Variants in GALNT13 observed in about 807,000 individuals in gnomAD.
GALNT13 encodes the protein polypeptide N-acetylgalactosaminyltransferase 13.
Under a neutral mutation model 64.2 loss-of-function variants are expected in GALNT13, and 28 were observed. The observed-to-expected ratio is 0.44, with a 90% CI of 0.32 to 0.60. The LOEUF (loss-of-function observed/expected upper bound fraction) is 0.60, where lower values mean the gene tolerates loss of function less well. Ranked by LOEUF, GALNT13 falls within the 20% of genes least tolerant of loss-of-function variation. The probability of loss-of-function intolerance (pLI) is 0.05; values close to 1 mark genes in which losing one functional copy is unlikely to be tolerated. For synonymous variants in GALNT13, 214 were observed against 224.6 expected (o/e 0.95, Z 0.42); for missense variants, 577 against 669.8 (o/e 0.86, Z 1.53).
At chr2:153,587,705 C>T in the GALNT13 span, among the ~76,000 whole-genome samples, 1 of 152,180 alleles carries the variant, frequency 6.6e-6, no homozygotes, top group Non-Finnish European at 1.5e-5. Context: ...CAAACCATAT[C>T]ATTCCACTGC....
chr2:154,397,060 A>G (rs1391580124), intron 10 of GALNT13, among the ~76,000 whole-genome samples: 1 of 151,922 alleles, frequency 6.6e-6, no homozygotes, highest in Non-Finnish European at 1.5e-5. Context: ...TTCCTTTATG[A>G]ATTATATCCT....
chr2:154,367,022 C>T lies in GALNT13; in HGVS notation c.1157-28969C>T, dbSNP rs116064781. ...TGGACACTGTGAAATGAATGGGTTT[C>T]ATTGTTGCTACTTTTTATGTTCATT... is the stretch of plus-strand genomic sequence containing the variant. On this transcript the variant is annotated intron_variant, in intron 9 of 12. Transcript: ENST00000392825. 4.9e-3 allele frequency among the ~76,000 whole-genome samples: 743 copies of T among 152,184 alleles called. 4 individuals carry two copies. Among genetic ancestry groups the T allele is most frequent in the African/African-American group, 0.017 (701 of 41,524 alleles).
chr2:153,656,353 T>G, the GALNT13 span, among the ~76,000 whole-genome samples: 4 of 140,636 alleles, frequency 2.8e-5, no homozygotes, highest in Non-Finnish European at 6.3e-5. Context: ...CGCGCACATA[T>G]GTGTGTGTGC....
chr2:153,601,052 GA>G, the GALNT13 span, among the ~76,000 whole-genome samples: 1 of 151,760 alleles, frequency 6.6e-6, no homozygotes, highest in African/African-American at 2.4e-5. Flanking sequence ...TTCCAGGAAA[GA>G]AATTCAAGAC....
the GALNT13 span, among the ~76,000 whole-genome samples, chr2:153,612,293 A>G: frequency 6.6e-6 from 1 of 152,260 alleles, no homozygotes; most frequent in South Asian, 2.1e-4. Flanking sequence ...TTCCTCAAGG[A>G]TCTAGAACCA....
intron 2 of GALNT13, among the ~76,000 whole-genome samples, chr2:153,936,460 C>T (rs1029396451): frequency 6.6e-6 from 1 of 152,074 alleles, no homozygotes; most frequent in Non-Finnish European, 1.5e-5. Context: ...AAATATGACC[C>T]AGTTTAGTTT....
intron 3 of GALNT13, among the ~76,000 whole-genome samples, chr2:154,072,785 A>G (rs568171520): frequency 1.3e-4 from 20 of 152,182 alleles, no homozygotes; most frequent in African/African-American, 4.1e-4. Flanking sequence ...CAAGTTTGCT[A>G]TTGGAAAATA....
the GALNT13 span, among the ~76,000 whole-genome samples, chr2:153,480,837 G>T: frequency 1.3e-5 from 2 of 152,270 alleles, no homozygotes; most frequent in East Asian, 1.9e-4. Flanking sequence ...CAAATGGAGA[G>T]CCCCTTCTTT....
intron 11 of GALNT13, among the ~76,000 whole-genome samples, chr2:154,430,893 AT>A (rs1700680617): frequency 6.6e-6 from 1 of 152,148 alleles, no homozygotes; most frequent in Non-Finnish European, 1.5e-5. Context: ...AATTGTTAGC[AT>A]TTTTAACGAT....
At chr2:153,693,734 C>T in the GALNT13 span, among the ~76,000 whole-genome samples, 2 of 151,998 alleles carry the variant, frequency 1.3e-5, no homozygotes, top group African/African-American at 4.8e-5. Flanking sequence ...TTCAGTGAAT[C>T]CACATTTTAC....
intron 1 of GALNT13, among the ~76,000 whole-genome samples, chr2:153,897,763 T>C (rs140298692): frequency 7.9e-5 from 12 of 152,240 alleles, no homozygotes; most frequent in Non-Finnish European, 1.8e-4. Context: ...TTTCCCTTCT[T>C]AATTTCATAC....
the GALNT13 span, among the ~76,000 whole-genome samples, chr2:153,247,007 G>A: frequency 1.3e-5 from 2 of 152,080 alleles, no homozygotes; most frequent in Non-Finnish European, 2.9e-5. Flanking sequence ...CCTAGTCTCT[G>A]ATAAAACAGG....
the GALNT13 span, among the ~76,000 whole-genome samples, chr2:153,312,699 T>C: frequency 6.6e-6 from 1 of 152,184 alleles, no homozygotes; most frequent in Non-Finnish European, 1.5e-5. Context: ...TTTTTATACA[T>C]TAACAGTAAA....
At chr2:153,668,320 A>T in the GALNT13 span, among the ~76,000 whole-genome samples, 1 of 152,182 alleles carries the variant, frequency 6.6e-6, no homozygotes, top group East Asian at 1.9e-4. Context: ...TCTCATCTGT[A>T]TGTGACACAT....
intron 9 of GALNT13, among the ~76,000 whole-genome samples, chr2:154,364,731 G>A (rs1321751428): frequency 2.6e-5 from 4 of 152,002 alleles, no homozygotes; most frequent in African/African-American, 9.7e-5. Flanking sequence ...GAATGCGATG[G>A]CGCGATCTTG....
chr2:154,045,434 C>G (rs1233760522), intron 3 of GALNT13, among the ~76,000 whole-genome samples: 2 of 152,176 alleles, frequency 1.3e-5, no homozygotes, highest in Non-Finnish European at 2.9e-5. Context: ...ACGAAATGCT[C>G]TTTATTGCCT....
chr2:153,726,352 T>G, the GALNT13 span, among the ~76,000 whole-genome samples: 1 of 152,170 alleles, frequency 6.6e-6, no homozygotes, highest in African/African-American at 2.4e-5. Flanking sequence ...AAATGCAAGT[T>G]TTTTTTCATG....
chr2:153,811,604 C>G, the GALNT13 span, among the ~76,000 whole-genome samples: 1 of 152,156 alleles, frequency 6.6e-6, no homozygotes, highest in Non-Finnish European at 1.5e-5. Flanking sequence ...TGCTACTACT[C>G]TTGTTGGGAC....
chr2:153,455,513 C>A, the GALNT13 span, among the ~76,000 whole-genome samples: 20 of 152,252 alleles, frequency 1.3e-4, no homozygotes, highest in African/African-American at 4.8e-4. Context: ...CTCACTCGGA[C>A]CCACTGACTT....
Sources: allele counts gnomAD v4.1 joint callset (sites outside exome capture counted in the v4.1 genomes callset), GRCh38; gene constraint gnomAD v4.1.1; transcripts MANE v1.5; gene names NCBI Gene and HGNC (gene_info 2026-07-23, HGNC 2026-07-21).